CNTNAP2: variants seen among roughly 807,000 people sequenced by gnomAD.
CNTNAP2 encodes contactin associated protein 2.
CNTNAP2 carries 98 observed loss-of-function variants against 155.2 expected under a neutral mutation model. The ratio of observed to expected loss-of-function variants is 0.63; its 90% confidence interval spans 0.54 to 0.75. The LOEUF (loss-of-function observed/expected upper bound fraction) is 0.75, where lower values mean the gene tolerates loss of function less well. Among genes scored for constraint, CNTNAP2 ranks in the 30% least tolerant of loss-of-function variants. The pLI, the probability that CNTNAP2 is intolerant of heterozygous loss-of-function variation, is 0.00. For synonymous variants in CNTNAP2, 651 were observed against 631.2 expected (o/e 1.03, Z -0.47); for missense variants, 1,727 against 1,688.1 (o/e 1.02, Z -0.40).
At chr7:146,900,290 A>G (rs150635747) in intron 3 of CNTNAP2, among the ~76,000 whole-genome samples, 34 of 152,162 alleles carry the variant, frequency 2.2e-4, no homozygotes, top group Middle Eastern at 6.3e-3. Context: ...AATGTAATAC[A>G]TTATTCATTT....
intron 1 of CNTNAP2, among the ~76,000 whole-genome samples, chr7:146,296,740 T>C (rs1273379334): frequency 2.0e-5 from 3 of 151,798 alleles, no homozygotes; most frequent in Non-Finnish European, 4.4e-5. Flanking sequence ...AATAACACAG[T>C]TACAAATAAT....
intron 1 of CNTNAP2, among the ~76,000 whole-genome samples, chr7:146,518,681 A>G (rs1027096722): frequency 2.0e-5 from 3 of 151,884 alleles, no homozygotes; most frequent in African/African-American, 7.2e-5. Context: ...AGAGTGTATC[A>G]TATACAGTTG....
intron 15 of CNTNAP2, among the ~76,000 whole-genome samples, chr7:148,114,584 A>C (rs577588842): frequency 1.2e-4 from 19 of 152,314 alleles, no homozygotes; most frequent in African/African-American, 4.1e-4. Context: ...AAAGGCACGC[A>C]TATAATCTTG....
At chr7:147,918,463 GT>G (rs145295895) in intron 14 of CNTNAP2, among the ~76,000 whole-genome samples, 3,732 of 152,232 alleles carry the variant, frequency 0.025, 159 homozygotes, top group African/African-American at 0.085. Flanking sequence ...ATCCAAGTCA[GT>G]TTTTAAAAAG....
At chr7:147,109,220 G>C (rs2129279783) in intron 5 of CNTNAP2, among the ~76,000 whole-genome samples, 1 of 152,262 alleles carries the variant, frequency 6.6e-6, no homozygotes, top group Admixed American at 6.5e-5. Flanking sequence ...GCTTGTATGA[G>C]GTGGTTATCA....
chr7:147,998,103 CTTTTTTTTTTTTT>C (rs71188938), intron 15 of CNTNAP2, among the ~76,000 whole-genome samples: 4 of 75,804 alleles, frequency 5.3e-5, no homozygotes, highest in African/African-American at 1.1e-4. Context: ...TTTCTTTTTT[CTTTTTTTTTTTTT>C]TTTTTTTTTT....
rs550342506 is a variant in CNTNAP2 at position 147,523,933 on chromosome 7, C to T, written c.1777+37892C>T. Among the ~76,000 whole-genome samples the T allele has an allele frequency of 5.3e-5, 8 of 152,310 alleles. No individual in the cohort carries two copies. The East Asian group carries it at 5.8e-4, about 11-fold the overall frequency. On this transcript the variant is annotated intron_variant, in intron 11 of 23. Transcript: ENST00000361727. ...AATACTCCTCTGCAATATTTAAGCACGGAGGTCAAACAGTTTCCTCCGTTT... is the reference window on the plus strand; with the variant it reads ...AATACTCCTCTGCAATATTTAAGCATGGAGGTCAAACAGTTTCCTCCGTTT...
At chr7:146,885,543 A>C (rs1758468163) in intron 3 of CNTNAP2, among the ~76,000 whole-genome samples, 1 of 152,170 alleles carries the variant, frequency 6.6e-6, no homozygotes, top group Non-Finnish European at 1.5e-5. Context: ...TTTGTCCTTA[A>C]AAAAGCAAGA....
At chr7:147,479,984 C>A (rs115247081) in intron 10 of CNTNAP2, among the ~76,000 whole-genome samples, 2,488 of 151,948 alleles carry the variant, frequency 0.016, 73 homozygotes, top group African/African-American at 0.056. Flanking sequence ...AGAAGACACT[C>A]CATAGAGAAT....
At chr7:147,218,935 T>G (rs1803334274) in intron 8 of CNTNAP2, among the ~76,000 whole-genome samples, 3 of 152,204 alleles carry the variant, frequency 2.0e-5, no homozygotes, top group Admixed American at 2.0e-4. Context: ...TAAGAATTCT[T>G]ATTATCATAG....
intron 17 of CNTNAP2, among the ~76,000 whole-genome samples, chr7:148,162,165 G>A (rs1003647112): frequency 6.6e-5 from 10 of 152,154 alleles, no homozygotes; most frequent in African/African-American, 2.4e-4. Context: ...AGCAGGAGAG[G>A]GGGAGGGGGA....
At chr7:146,935,560 A>G (rs1328902043) in intron 3 of CNTNAP2, among the ~76,000 whole-genome samples, 1 of 152,194 alleles carries the variant, frequency 6.6e-6, no homozygotes. Context: ...TTGGAGTAAA[A>G]GAAGCAATGA....
At chr7:146,749,272 A>G (rs2129182278) in intron 1 of CNTNAP2, among the ~76,000 whole-genome samples, 1 of 152,256 alleles carries the variant, frequency 6.6e-6, no homozygotes, top group Admixed American at 6.5e-5. Context: ...TATCTTTACT[A>G]AACCTAACAG....
intron 3 of CNTNAP2, among the ~76,000 whole-genome samples, chr7:146,906,014 C>A (rs557524502): frequency 5.3e-5 from 8 of 152,318 alleles, no homozygotes; most frequent in African/African-American, 1.7e-4. Context: ...TCAGGGAGTT[C>A]CCTTTCCGAG....
At chr7:147,900,680 A>G (rs1799853262) in intron 13 of CNTNAP2, among the ~76,000 whole-genome samples, 1 of 152,042 alleles carries the variant, frequency 6.6e-6, no homozygotes, top group Non-Finnish European at 1.5e-5. Flanking sequence ...ACAGTGGTGC[A>G]ATCTCTGCTC....
chr7:146,712,940 T>C (rs995144068), intron 1 of CNTNAP2, among the ~76,000 whole-genome samples: 2 of 151,974 alleles, frequency 1.3e-5, no homozygotes, highest in Admixed American at 6.6e-5. Flanking sequence ...ACACATTCCC[T>C]TAATGTTGAT....
At chr7:147,842,615 A>C (rs1196572375) in intron 13 of CNTNAP2, among the ~76,000 whole-genome samples, 1 of 71,600 alleles carries the variant, frequency 1.4e-5, no homozygotes, top group African/African-American at 6.4e-5. Context: ...ATTATACTCT[A>C]AGTTTTAGGG....
At chr7:147,217,723 A>G (rs1246077819) in intron 8 of CNTNAP2, among the ~76,000 whole-genome samples, 1 of 152,034 alleles carries the variant, frequency 6.6e-6, no homozygotes, top group Non-Finnish European at 1.5e-5. Context: ...GAGAATTGGT[A>G]TAATTTATTC....
At chr7:146,422,886 G>T (rs1300828473) in intron 1 of CNTNAP2, among the ~76,000 whole-genome samples, 2 of 152,080 alleles carry the variant, frequency 1.3e-5, no homozygotes, top group African/African-American at 4.8e-5. Context: ...TGCCTTATTG[G>T]AGATATATGT....
Sources: gnomAD v4.1 joint callset for allele counts (sites outside exome capture counted in the v4.1 genomes callset) on GRCh38, gnomAD v4.1.1 for gene constraint, MANE v1.5 for transcripts, NCBI Gene and HGNC (gene_info 2026-07-23, HGNC 2026-07-21) for gene names.